Variants in FAM107B observed in about 807,000 individuals in gnomAD.
FAM107B encodes the protein family with sequence similarity 107 member B.
In FAM107B, 21 loss-of-function variants were observed where a neutral mutation model predicts 31.5. The observed-to-expected ratio is 0.67, with a 90% CI of 0.47 to 0.96. FAM107B has a LOEUF of 0.96. Ranked by LOEUF, FAM107B falls within the 40% of genes least tolerant of loss-of-function variation. The pLI is 0.00. For synonymous variants in FAM107B, 157 were observed against 141.5 expected (o/e 1.11, Z -0.78); for missense variants, 452 against 377.1 (o/e 1.20, Z -1.64).
intron 1 of FAM107B, among the ~76,000 whole-genome samples, chr10:14,673,954 C>T (rs1854618471): frequency 6.6e-6 from 1 of 151,920 alleles, no homozygotes; most frequent in South Asian, 2.1e-4. Context: ...ATTTTTTAAT[C>T]AGATTATTTG....
intron 2 of FAM107B, among the ~76,000 whole-genome samples, chr10:14,618,157 T>C (rs1017900810): frequency 6.6e-6 from 1 of 152,224 alleles, no homozygotes; most frequent in African/African-American, 2.4e-5. Context: ...TGAAGGGTAT[T>C]ATACAGTTCA....
chr10:14,713,099 C>G (rs1855698827), intron 1 of FAM107B, among the ~76,000 whole-genome samples: 1 of 152,122 alleles, frequency 6.6e-6, no homozygotes, highest in African/African-American at 2.4e-5. Flanking sequence ...GAATCACACT[C>G]AAATCCTCCC....
chr10:14,604,894 GTC>G (rs1347729144), intron 2 of FAM107B, among the ~76,000 whole-genome samples: 1 of 150,362 alleles, frequency 6.7e-6, no homozygotes, highest in Non-Finnish European at 1.5e-5. Flanking sequence ...TCTCTCCTCT[GTC>G]TCATTCTTTC....
At chr10:14,740,914 T>G (rs1564282690) in intron 1 of FAM107B, among the ~76,000 whole-genome samples, 1 of 152,226 alleles carries the variant, frequency 6.6e-6, no homozygotes, top group Non-Finnish European at 1.5e-5. Flanking sequence ...TAAGCAAGTG[T>G]GGGTTCATTT....
intron 2 of FAM107B, among the ~76,000 whole-genome samples, chr10:14,667,072 A>G (rs115357809): frequency 3.4e-3 from 515 of 152,372 alleles, no homozygotes; most frequent in African/African-American, 0.012. Flanking sequence ...TATTAGGCCC[A>G]TTCAACTAAT....
At chr10:14,761,011 CAAA>C (rs565835423) in intron 1 of FAM107B, among the ~76,000 whole-genome samples, 102 of 77,632 alleles carry the variant, frequency 1.3e-3, no homozygotes, top group African/African-American at 4.2e-3. Flanking sequence ...GACTCCGTTT[CAAA>C]AAAAAAAAAA....
chr10:14,522,662 C>T (rs1588458415), intron 3 of FAM107B, among the ~76,000 whole-genome samples: 4 of 152,256 alleles, frequency 2.6e-5, no homozygotes, highest in Admixed American at 2.6e-4. Flanking sequence ...GATCCACTCG[C>T]CTCGGCCTCC....
intron 1 of FAM107B, among the ~76,000 whole-genome samples, chr10:14,735,522 T>A (rs1285642228): frequency 1.3e-5 from 2 of 152,172 alleles, no homozygotes; most frequent in Non-Finnish European, 1.5e-5. Flanking sequence ...CACTTCGGTT[T>A]CAGGTCCATT....
intron 2 of FAM107B, among the ~76,000 whole-genome samples, chr10:14,591,854 A>G (rs1455473494): frequency 1.3e-5 from 2 of 152,162 alleles, no homozygotes; most frequent in African/African-American, 4.8e-5. Flanking sequence ...TAGTGGGATG[A>G]GTTTAAAAGA....
chr10:14,570,767 A>G (rs2131261623), intron 2 of FAM107B, among the ~76,000 whole-genome samples: 1 of 151,130 alleles, frequency 6.6e-6, no homozygotes, highest in African/African-American at 2.4e-5. Context: ...GCACCACTGC[A>G]CTCCAGCCTG....
chr10:14,561,275 C>G (rs910408779), intron 2 of FAM107B, among the ~76,000 whole-genome samples: 2 of 152,198 alleles, frequency 1.3e-5, no homozygotes, highest in Non-Finnish European at 2.9e-5. Context: ...GGCAGGCAGC[C>G]AACTGACAAA....
chr10:14,636,702 G>C (rs1853508837), intron 2 of FAM107B, among the ~76,000 whole-genome samples: 1 of 152,054 alleles, frequency 6.6e-6, no homozygotes, highest in Non-Finnish European at 1.5e-5. Flanking sequence ...TTTTAGGGGG[G>C]GTGGGGGAGT....
At chr10:14,524,168 A>C (rs1845977234) in intron 3 of FAM107B, among the ~76,000 whole-genome samples, 1 of 151,780 alleles carries the variant, frequency 6.6e-6, no homozygotes, top group Non-Finnish European at 1.5e-5. Flanking sequence ...CAGCCTCCCG[A>C]GGAGCTGGGA....
chr10:14,561,038 AC>A (rs1276975805), intron 2 of FAM107B, among the ~76,000 whole-genome samples: 2 of 152,310 alleles, frequency 1.3e-5, no homozygotes, highest in East Asian at 3.9e-4. Context: ...TCAAGCTACA[AC>A]GAAACCAGCC....
At chr10:14,762,752 TCTCACACACACACACACACACACACACA>T (rs1287208134) in intron 1 of FAM107B, among the ~76,000 whole-genome samples, 1 of 117,504 alleles carries the variant, frequency 8.5e-6, no homozygotes, top group Non-Finnish European at 1.9e-5. Context: ...TGAAACTCTG[TCTCACACACACACACACACACACACACA>T]CACACACACA....
intron 2 of FAM107B, among the ~76,000 whole-genome samples, chr10:14,560,607 AC>A (rs1672294616): frequency 6.6e-6 from 1 of 152,200 alleles, no homozygotes; most frequent in Non-Finnish European, 1.5e-5. Context: ...CGGAAGTCAG[AC>A]ATGGCTCACC....
chr10:14,724,119 G>T, intron 1 of FAM107B: 1 of 555,210 alleles, frequency 1.8e-6, no homozygotes, highest in Admixed American at 2.8e-5. Context: ...CTCCTCTGTG[G>T]GTAGCGCGGA....
intron 2 of FAM107B, among the ~76,000 whole-genome samples, chr10:14,624,766 A>C (rs1405932968): frequency 6.6e-6 from 1 of 152,238 alleles, no homozygotes; most frequent in African/African-American, 2.4e-5. Context: ...CAAACGCAAG[A>C]AAAGAAAAAC....
intron 1 of FAM107B, among the ~76,000 whole-genome samples, chr10:14,718,449 A>G: frequency 7.0e-6 from 1 of 142,426 alleles, no homozygotes; most frequent in Admixed American, 7.0e-5. Flanking sequence ...GAGGGAGAGA[A>G]GGAAGAAAGG....
Sources: allele counts gnomAD v4.1 joint callset (sites outside exome capture counted in the v4.1 genomes callset), GRCh38; gene constraint gnomAD v4.1.1; transcripts MANE v1.5; gene names NCBI Gene and HGNC (gene_info 2026-07-23, HGNC 2026-07-21).